The following CDHR2 variants were observed in gnomAD, a reference collection of about 807,000 sequenced individuals.
CDHR2 encodes cadherin-related family member 2.
Under a neutral mutation model 138.6 loss-of-function variants are expected in CDHR2, and 104 were observed. The observed-to-expected ratio is 0.75, with a 90% confidence interval of 0.64 to 0.88. The LOEUF is 0.88. Ranked by LOEUF, CDHR2 falls within the 40% of genes least tolerant of loss-of-function variation. The probability of loss-of-function intolerance (pLI) is 0.00; values close to 1 mark genes in which losing one functional copy is unlikely to be tolerated. For synonymous variants in CDHR2, 755 were observed against 742.8 expected (o/e 1.02, Z -0.27); for missense variants, 1,624 against 1,727.6 (o/e 0.94, Z 1.06).
Position 176,576,263 on chromosome 5 carries a change from G to A in CDHR2, c.1194+78G>A. ...AGCCTGGATCGAGTGACGGTGTCAT[G>A]TGGTGCTGGGTGGCGGTGCTGGTGG... is the stretch of plus-strand genomic sequence containing the variant. On this transcript the variant is annotated intron_variant, in intron 12 of 31. Transcript: ENST00000261944. This position sits in a 1 kb window ranked among gnomAD's most constrained non-coding sequence, Gnocchi z 4.5. 1 of 1,147,194 alleles carries A rather than the reference G, an allele frequency of 8.7e-7. No homozygotes were observed. The highest frequency in any genetic ancestry group is 1.3e-6 in the Non-Finnish European group (1 of 798,920). The allele number at this position is 1,147,194 out of a possible 1,614,324, so 71.1% of individuals were successfully genotyped here. A position where few individuals can be genotyped will look rare whatever the true frequency, so the allele number is the denominator to read the frequency against.
rs564852695 is a variant in CDHR2, at chr5:176,573,368, G to A, written c.406-715G>A. Reference sequence around the variant, plus strand: ...GGAAGTATAGGTCGTGGCTGGGCACGGTGGCTCACACCTATAATCCTAGCA... The same window carrying A: ...GGAAGTATAGGTCGTGGCTGGGCACAGTGGCTCACACCTATAATCCTAGCA... On this transcript the variant is annotated intron_variant, in intron 6 of 31. Coordinates refer to ENST00000261944, the MANE Select transcript of CDHR2 (RefSeq NM_017675.6). Among the ~76,000 whole-genome samples, 249 of 152,228 alleles carry A rather than the reference G, an allele frequency of 1.6e-3. 1 individual carries two copies. Among genetic ancestry groups the A allele is most frequent in the African/African-American group, 5.5e-3 (230 of 41,528 alleles).
rs766889815 is a variant in CDHR2 at position 176,584,690 on chromosome 5, CA to C, written c.2411del (p.Asn804IlefsTer7). 1 of 1,614,160 alleles carries C rather than the reference CA, an allele frequency of 6.2e-7. No homozygotes were observed. The highest frequency in any genetic ancestry group is 1.1e-5 in the South Asian group (1 of 91,086). On this transcript the variant is annotated frameshift_variant, in exon 19 of 32. Transcript: ENST00000261944. LOFTEE classifies it high-confidence loss of function. ...GCGTGAATGTGAAAGACGTGAACGA[CA>C]ATCCCCCCACCCTGGATGTAGCCTC... is the stretch of plus-strand genomic sequence containing the variant. ...VCVNVKDVND[N>X]PPTLDVASLR...
At chr5:176,582,325 G>A (rs952889677) in intron 17 of CDHR2, among the ~76,000 whole-genome samples, 26 of 151,866 alleles carry the variant, frequency 1.7e-4, no homozygotes, top group Non-Finnish European at 3.5e-4. Context: ...TGGCTAATTT[G>A]GCTAATTTTT....
Position 176,550,867 on chromosome 5 carries a change from G to A in CDHR2, c.-16+1453G>A, listed in dbSNP as rs769359821. 3.9e-5 allele frequency among the ~76,000 whole-genome samples: 6 copies of A among 152,150 alleles called. No homozygotes were observed. In the East Asian group the frequency reaches 1.2e-3, roughly 30 times the overall value. The stretch of plus-strand genomic sequence containing the variant: ...GCACCGTGGACTGCTCTGAGATGCG[G>A]CTGAAGCCTCCTCTCAGCCAAGGCT... On this transcript the variant is annotated intron_variant, in intron 1 of 31. Coordinates refer to ENST00000261944, the MANE Select transcript of CDHR2 (RefSeq NM_017675.6).
rs1758839629 is a variant in CDHR2, at chr5:176,591,426, C to G, written c.3676C>G (p.Pro1226Ala). 1 of 1,614,030 alleles carries G rather than the reference C, an allele frequency of 6.2e-7. No individual in the cohort carries two copies. Among genetic ancestry groups the G allele is most frequent in the Non-Finnish European group, 8.5e-7 (1 of 1,179,992 alleles). ...CAGAGCCAACCCCATGCTGAACCTC[C>G]CCAACAAAGACCTGGGCTTGGAGTA... ...TERANPMLNL[P>A]NKDLGLEYLS... Residue 1226 changes from proline to alanine, a missense_variant, in exon 30 of 32, where the codon CCC (proline) becomes GCC (alanine). Transcript: ENST00000261944.
At position 176,575,972 on chromosome 5, in the gene CDHR2, C is replaced by T; in HGVS notation, c.981C>T (p.Asn327=). Residue 327 remains asparagine (N), a synonymous_variant, in exon 12 of 32, where the codon AAC becomes AAT. Coordinates refer to ENST00000261944, the MANE Select transcript of CDHR2 (RefSeq NM_017675.6). ...CTCAGGCCACCGAGACACACCTCAA[C>T]ATCTACGGGCAGGAGGCCAAGGTGA... ...LQVTATETHL[N]IYGQEAKVSI... The T allele has an allele frequency of 6.2e-7, 1 of 1,613,956 alleles. No individual in the cohort carries two copies. The highest frequency in any genetic ancestry group is 8.5e-7 in the Non-Finnish European group (1 of 1,179,928).
chr5:176,581,202 G>A, intron 16 of CDHR2, 141 bp from the exon 17 acceptor site: 5 of 1,095,898 alleles, frequency 4.6e-6, no homozygotes, highest in Non-Finnish European at 5.1e-6. Flanking sequence ...GGGAAACTGG[G>A]GCTGGGAGAT....
Position 176,581,312 on chromosome 5 carries a change from G to A in CDHR2, c.1819-31G>A, listed in dbSNP as rs750136751. On this transcript the variant is annotated intron_variant, in intron 16 of 31. Coordinates refer to ENST00000261944, the MANE Select transcript of CDHR2 (RefSeq NM_017675.6). ...GGGCTGGGGGCTGGGAATGCCGATG[G>A]CCGATGACCAACCCCTGCTTACGTG... The A allele has an allele frequency of 6.2e-6, 10 of 1,608,156 alleles. No individual in the cohort carries two copies. The East Asian group carries it at 2.2e-4, about 36-fold the overall frequency.
At chr5:176,595,224 G>A (rs559816836) in intron 31 of CDHR2, among the ~76,000 whole-genome samples, 8 of 152,252 alleles carry the variant, frequency 5.3e-5, no homozygotes, top group Non-Finnish European at 1.0e-4. Flanking sequence ...CTGGCTCCTC[G>A]GCACAGGACA....
chr5:176,575,691 C>A (rs531509296), intron 10 of CDHR2, 33 bp from the exon 11 acceptor site: 1 of 1,589,850 alleles, frequency 6.3e-7, no homozygotes, highest in Admixed American at 1.8e-5. Flanking sequence ...ACTGGAGCAG[C>A]TGTTCCAGCT....
At chr5:176,577,865 AGT>A (rs35146200) in intron 14 of CDHR2, 67 bp downstream of exon 14, 245 of 1,146,348 alleles carry the variant, frequency 2.1e-4, no homozygotes, top group African/African-American at 3.7e-4. Flanking sequence ...TGAGTGTGAG[AGT>A]GTGTGTGTGT....
Position 176,590,261 on chromosome 5 carries a change from C to T in CDHR2, c.3284C>T (p.Pro1095Leu), listed in dbSNP as rs1758809913. Residue 1095 changes from proline (P) to leucine (L), a missense_variant, in exon 26 of 32, where the codon CCT becomes CTT. Transcript: ENST00000261944. The part of the protein sequence containing the change: ...QDIDSAARAR[P>L]HSYLDAYFVF... ...ACTCTGTCCCGCTCCAGGGCCCGAC[C>T]TCACTCCTACCTCGATGCCTACTTT... 1.9e-6 allele frequency: 3 copies of T among 1,614,168 alleles called. No homozygotes were observed. Among genetic ancestry groups the T allele is most frequent in the Non-Finnish European group, 1.7e-6 (2 of 1,180,032 alleles).
At chr5:176,585,320 T>C (rs963532061) in intron 19 of CDHR2, among the ~76,000 whole-genome samples, 2 of 152,214 alleles carry the variant, frequency 1.3e-5, no homozygotes, top group African/African-American at 4.8e-5. Context: ...GAAAGAAAGA[T>C]AACACTGCAG....
chr5:176,579,689 G>T (rs1247210760), intron 16 of CDHR2, among the ~76,000 whole-genome samples: 4 of 152,296 alleles, frequency 2.6e-5, no homozygotes, highest in South Asian at 2.1e-4. Context: ...AATAAACAAG[G>T]TCCCAGCAGA....
chr5:176,592,215 GTGA>G (rs750256235), intron 30 of CDHR2, among the ~76,000 whole-genome samples: 5 of 148,230 alleles, frequency 3.4e-5, no homozygotes, highest in East Asian at 4.2e-4. Flanking sequence ...GGTGATGGTG[GTGA>G]TGATGGTGAT....
At chr5:176,583,787 C>G (rs749186) in intron 17 of CDHR2, among the ~76,000 whole-genome samples, 5,919 of 152,218 alleles carry the variant, frequency 0.039, 381 homozygotes, top group African/African-American at 0.13. Context: ...GGCCTTGGAG[C>G]CTTTGTGGAC....
In CDHR2 at chr5:176,586,007, C is replaced by T. The variant is rs1758654617; in HGVS notation, c.2788C>T (p.Pro930Ser). 1 of 1,613,794 alleles carries T rather than the reference C, an allele frequency of 6.2e-7. No homozygotes were observed. Among genetic ancestry groups the T allele is most frequent in the Non-Finnish European group, 8.5e-7 (1 of 1,179,782 alleles). ...DVNDNAPYFL[P>S]ENKTFVIIPE... is the part of the protein sequence containing the mutation. Reference sequence around the variant, plus strand: ...GAATGACAATGCACCCTATTTTCTGCCTGAGAATAAGACTTTTGGTAAGCA... The same window carrying T: ...GAATGACAATGCACCCTATTTTCTGTCTGAGAATAAGACTTTTGGTAAGCA... The change falls in exon 20 of 32, where the codon CCT becomes TCT. Residue 930 changes from proline to serine, a missense_variant. Coordinates refer to ENST00000261944, the MANE Select transcript of CDHR2 (RefSeq NM_017675.6).
chr5:176,572,449 C>A (rs1328058858), intron 6 of CDHR2, among the ~76,000 whole-genome samples: 1 of 150,618 alleles, frequency 6.6e-6, no homozygotes, highest in Non-Finnish European at 1.5e-5. Flanking sequence ...AGTACAGGCT[C>A]ACATTGAGGA....
At chr5:176,551,701 C>CTT (rs34996600) in intron 1 of CDHR2, among the ~76,000 whole-genome samples, 16,254 of 114,080 alleles carry the variant, frequency 0.14, 2,945 homozygotes, top group African/African-American at 0.37. Context: ...CAAGAGTTCT[C>CTT]TTTTTTTTTT....
Sources: allele counts gnomAD v4.1 joint callset (sites outside exome capture counted in the v4.1 genomes callset), GRCh38; gene constraint gnomAD v4.1.1; non-coding constraint Gnocchi (gnomAD v3.1); transcripts MANE v1.5; gene names NCBI Gene and HGNC (gene_info 2026-07-23, HGNC 2026-07-21).